The following ZFHX3 variants were observed in gnomAD, a reference collection of about 807,000 sequenced individuals.
ZFHX3 encodes zinc finger homeobox protein 3.
Under a neutral mutation model 279.1 loss-of-function variants are expected in ZFHX3, and 42 were observed. The ratio of observed to expected loss-of-function variants is 0.15; its 90% CI spans 0.12 to 0.19. The LOEUF (loss-of-function observed/expected upper bound fraction) is 0.19. Ranked by LOEUF, ZFHX3 falls within the 10% of genes least tolerant of loss-of-function variation. ZFHX3 has a pLI of 1.00. For missense variants in ZFHX3, 4,981 were observed against 4,754.0 expected, an observed-to-expected ratio of 1.05 and a Z score of -1.40; for synonymous variants, 2,293 against 1,957.8, an observed-to-expected ratio of 1.17 and a Z score of -4.52.
rs116922880 is a variant in ZFHX3 at position 72,808,555 on chromosome 16, C to G, written c.3864+3022G>C. 4.6e-4 allele frequency among the ~76,000 whole-genome samples: 70 copies of G among 152,304 alleles called. No homozygotes were observed. In the South Asian group the frequency reaches 6.2e-3, roughly 14 times the overall value. On this transcript the variant is annotated intron_variant, in intron 7 of 9. Coordinates refer to ENST00000268489, the MANE Select transcript of ZFHX3 (RefSeq NM_006885.4). ...ATAACTTTCAACTTTATTCCTGAATCCATTGACTTTCCCTTGTTGCTAACA... is the reference window on the plus strand; with the variant it reads ...ATAACTTTCAACTTTATTCCTGAATGCATTGACTTTCCCTTGTTGCTAACA...
intron 1 of ZFHX3, among the ~76,000 whole-genome samples, chr16:72,974,843 C>G (rs1156596892): frequency 6.6e-6 from 1 of 152,196 alleles, no homozygotes; most frequent in Admixed American, 6.5e-5. Flanking sequence ...GATGTGCGTA[C>G]TAAGCTTCCA....
At chr16:73,567,410 T>C (rs1335512973) in intron 2 of ZFHX3, among the ~76,000 whole-genome samples, 1 of 152,228 alleles carries the variant, frequency 6.6e-6, no homozygotes, top group Non-Finnish European at 1.5e-5. Flanking sequence ...TTATAGAAGA[T>C]GGAGAACAAT....
At chr16:72,953,957 C>G (rs994067871) in intron 2 of ZFHX3, among the ~76,000 whole-genome samples, 1 of 152,200 alleles carries the variant, frequency 6.6e-6, no homozygotes, top group Admixed American at 6.5e-5. Flanking sequence ...AAACTCCCTT[C>G]GAGAACTATG....
At chr16:73,012,882 T>C (rs555600335) in intron 1 of ZFHX3, among the ~76,000 whole-genome samples, 1 of 152,184 alleles carries the variant, frequency 6.6e-6, no homozygotes, top group African/African-American at 2.4e-5. Context: ...AAATACATAG[T>C]ATCAGAGGCC....
At chr16:73,259,923 A>G (rs746544428) in intron 4 of ZFHX3, among the ~76,000 whole-genome samples, 5 of 152,182 alleles carry the variant, frequency 3.3e-5, no homozygotes, top group African/African-American at 7.2e-5. Flanking sequence ...CCATTACCTA[A>G]TTTGTATATC....
intron 5 of ZFHX3, among the ~76,000 whole-genome samples, chr16:72,817,518 C>T (rs533930758): frequency 6.6e-6 from 1 of 152,316 alleles, no homozygotes; most frequent in South Asian, 2.1e-4. Context: ...AACCAACATA[C>T]TGGTAGAATT....
At chr16:73,617,800 T>C (rs956426907) in intron 2 of ZFHX3, among the ~76,000 whole-genome samples, 2 of 152,160 alleles carry the variant, frequency 1.3e-5, no homozygotes, top group Non-Finnish European at 2.9e-5. Context: ...ACTCAAATCA[T>C]AAGAATTGAC....
Position 72,793,818 on chromosome 16 carries a change from T to A in ZFHX3, c.8864A>T (p.Asn2955Ile), listed in dbSNP as rs1223619376. 1 of 1,614,064 alleles carries A rather than the reference T, an allele frequency of 6.2e-7. No individual in the cohort carries two copies. Among genetic ancestry groups the A allele is most frequent in the Non-Finnish European group, 8.5e-7 (1 of 1,180,046 alleles). ...GQKRFRTQMT[N>I]LQLKVLKSCF... ...TGACTTGAGGACCTTCAGCTGCAGA[T>A]TGGTCATTTGAGTGCGAAAACGTTT... Residue 2955 changes from asparagine (N) to isoleucine (I), a missense_variant, in exon 9 of 10, where the codon AAT (asparagine) becomes ATT (isoleucine). Physicochemically the swap from Asn to Ile is moderately radical, Grantham distance 149. Coordinates refer to ENST00000268489, the MANE Select transcript of ZFHX3 (RefSeq NM_006885.4). This position sits in a 1 kb window ranked among gnomAD's most constrained non-coding sequence, Gnocchi z 4.3.
At chr16:72,870,743 A>C (rs1309130017) in intron 4 of ZFHX3, among the ~76,000 whole-genome samples, 1 of 151,676 alleles carries the variant, frequency 6.6e-6, no homozygotes, top group East Asian at 1.9e-4. Context: ...AAAAGAAAGA[A>C]CATGAAAGAG....
At chr16:73,718,427 TAAA>T (rs1285938735) in intron 1 of ZFHX3, among the ~76,000 whole-genome samples, 1 of 151,488 alleles carries the variant, frequency 6.6e-6, no homozygotes, top group Non-Finnish European at 1.5e-5. Flanking sequence ...TAAAACTAAA[TAAA>T]AACAACAACA....
At chr16:72,918,156 C>G (rs926654569) in intron 3 of ZFHX3, among the ~76,000 whole-genome samples, 2 of 152,136 alleles carry the variant, frequency 1.3e-5, no homozygotes, top group African/African-American at 2.4e-5. Flanking sequence ...GAGGCCTCGC[C>G]AAAAGACCAC....
intron 1 of ZFHX3, among the ~76,000 whole-genome samples, chr16:73,703,252 T>C (rs2053268672): frequency 2.0e-5 from 3 of 152,086 alleles, no homozygotes; most frequent in Admixed American, 2.0e-4. Flanking sequence ...TCCCACTCCT[T>C]ATCCCTCCAT....
intron 3 of ZFHX3, among the ~76,000 whole-genome samples, chr16:73,349,483 T>C (rs1414562239): frequency 2.0e-5 from 3 of 152,064 alleles, no homozygotes; most frequent in Non-Finnish European, 4.4e-5. Context: ...GTACCTTTCA[T>C]TGGGGTGATC....
chr16:73,348,359 T>C (rs1193831606), intron 3 of ZFHX3, among the ~76,000 whole-genome samples: 1 of 152,190 alleles, frequency 6.6e-6, no homozygotes, highest in African/African-American at 2.4e-5. Flanking sequence ...GTTAATCACC[T>C]CTCTGGCAAG....
intron 1 of ZFHX3, among the ~76,000 whole-genome samples, chr16:72,965,418 G>A (rs1401736807): frequency 6.6e-6 from 1 of 152,152 alleles, no homozygotes; most frequent in East Asian, 1.9e-4. Flanking sequence ...AGACAAGAGA[G>A]GATAAAGGAG....
At chr16:73,170,459 A>G (rs933255526) in intron 5 of ZFHX3, among the ~76,000 whole-genome samples, 9 of 151,786 alleles carry the variant, frequency 5.9e-5, no homozygotes, top group African/African-American at 2.2e-4. Context: ...CGAACTCCTG[A>G]CCTCAGGTGA....
intron 2 of ZFHX3, among the ~76,000 whole-genome samples, chr16:73,534,288 TCCACAAAGG>T (rs2019856676): frequency 6.6e-6 from 1 of 152,170 alleles, no homozygotes. Flanking sequence ...TCCTTAAATA[TCCACAAAGG>T]CAATGCTTTC....
chr16:73,217,286 C>A (rs911713513), intron 5 of ZFHX3, among the ~76,000 whole-genome samples: 3 of 152,152 alleles, frequency 2.0e-5, no homozygotes, highest in African/African-American at 7.2e-5. Context: ...GCTGCTGCAG[C>A]CTTCGTATGC....
chr16:73,253,409 C>T (rs988130812), intron 5 of ZFHX3, among the ~76,000 whole-genome samples: 1 of 151,498 alleles, frequency 6.6e-6, no homozygotes, highest in African/African-American at 2.4e-5. Flanking sequence ...GGAGAACACA[C>T]AAATGGTGCA....
Sources: allele counts gnomAD v4.1 joint callset (sites outside exome capture counted in the v4.1 genomes callset), GRCh38; gene constraint gnomAD v4.1.1; non-coding constraint Gnocchi (gnomAD v3.1); transcripts MANE v1.5; gene names NCBI Gene and HGNC (gene_info 2026-07-23, HGNC 2026-07-21).